Variants in FUBP3 observed in about 807,000 individuals in gnomAD.
FUBP3 encodes the protein far upstream element-binding protein 3.
Under a neutral mutation model 85.6 loss-of-function variants are expected in FUBP3, and 28 were observed. The observed-to-expected ratio is 0.33, with a 90% CI of 0.24 to 0.45. The LOEUF (loss-of-function observed/expected upper bound fraction) is 0.45, where lower values mean the gene tolerates loss of function less well. FUBP3 is among the 20% of genes least tolerant of loss of function. FUBP3 has a pLI of 1.00. For missense variants in FUBP3, 583 were observed against 755.1 expected (o/e 0.77, Z 2.67); for synonymous variants, 271 against 271.4 (o/e 1.00, Z 0.01).
intron 8 of FUBP3, 82 bp downstream of exon 8, chr9:130,617,977 A>T: frequency 1.5e-6 from 1 of 647,928 alleles, no homozygotes; most frequent in South Asian, 2.1e-5. Flanking sequence ...ATCTTCCTCA[A>T]GTAATTGTGA....
chr9:130,629,973 G>C (rs1830146462), intron 12 of FUBP3, among the ~76,000 whole-genome samples: 1 of 152,228 alleles, frequency 6.6e-6, no homozygotes, highest in Non-Finnish European at 1.5e-5. Context: ...GCAGGTTTTT[G>C]AAAGAGACCA....
intron 1 of FUBP3, among the ~76,000 whole-genome samples, chr9:130,592,628 C>T (rs1830678143): frequency 6.6e-6 from 1 of 152,132 alleles, no homozygotes; most frequent in Admixed American, 6.6e-5. Context: ...TCACTGTAAC[C>T]TCAAACCCCG....
chr9:130,591,253 G>A (rs1830612613), intron 1 of FUBP3, among the ~76,000 whole-genome samples: 1 of 151,998 alleles, frequency 6.6e-6, no homozygotes, highest in African/African-American at 2.4e-5. Context: ...GACCAGCCTG[G>A]CCAACATGGT....
intron 8 of FUBP3, 70 bp downstream of exon 8, chr9:130,617,965 T>G: frequency 1.4e-6 from 1 of 692,788 alleles, no homozygotes; most frequent in South Asian, 1.9e-5. Flanking sequence ...CCTAGAGCTT[T>G]TATCTTCCTC....
chr9:130,636,183 A>G lies in FUBP3; in HGVS notation c.1710+57A>G, dbSNP rs181450492. The G allele has an allele frequency of 1.9e-4, 296 of 1,564,980 alleles. No individual in the cohort carries two copies. The African/African-American group carries it at 3.4e-3, about 18-fold the overall frequency. On this transcript the variant is annotated intron_variant, in intron 18 of 18. Transcript: ENST00000319725. Reference sequence around the variant, plus strand: ...TCCCTAGCCCCGAGCCCCTGCTCCCAAGCCTTCTGTGTTTCCTGACCCCAG... The same window carrying G: ...TCCCTAGCCCCGAGCCCCTGCTCCCGAGCCTTCTGTGTTTCCTGACCCCAG...
intron 1 of FUBP3, among the ~76,000 whole-genome samples, chr9:130,587,323 A>G (rs1830397057): frequency 6.6e-6 from 1 of 152,120 alleles, no homozygotes; most frequent in African/African-American, 2.4e-5. Flanking sequence ...TTGGCCTCCC[A>G]AAGTGCTGGG....
In FUBP3 at chr9:130,637,076, A is replaced by G. The variant is rs1830447185; in HGVS notation, c.*54A>G. Reference sequence around the variant, plus strand: ...TCAAAATCATTGTCAAAGAAAACCTATTTGTAACAGAGGTTTTTACATTTG... The same window carrying G: ...TCAAAATCATTGTCAAAGAAAACCTGTTTGTAACAGAGGTTTTTACATTTG... On this transcript the variant is annotated 3_prime_UTR_variant, in exon 19 of 19. Transcript: ENST00000319725. 6.8e-6 allele frequency: 10 copies of G among 1,462,220 alleles called. No homozygotes were observed. The South Asian group carries it at 9.1e-5, about 13-fold the overall frequency. The allele number at this position is 1,462,220 out of a possible 1,614,324, so 90.6% of individuals were successfully genotyped here.
intron 2 of FUBP3, among the ~76,000 whole-genome samples, chr9:130,602,683 G>A (rs1831214365): frequency 6.6e-6 from 1 of 152,198 alleles, no homozygotes; most frequent in African/African-American, 2.4e-5. Context: ...GTTCCTGAGA[G>A]TAGGAGGGGT....
intron 11 of FUBP3, 55 bp downstream of exon 11, chr9:130,623,766 A>G: frequency 8.4e-7 from 1 of 1,195,754 alleles, no homozygotes; most frequent in Non-Finnish European, 1.2e-6. Flanking sequence ...GGAAAGTGCT[A>G]CCCGGGGCTC....
At chr9:130,620,152 A>G (rs1341520919) in intron 8 of FUBP3, among the ~76,000 whole-genome samples, 2 of 152,200 alleles carry the variant, frequency 1.3e-5, no homozygotes, top group Non-Finnish European at 2.9e-5. Context: ...CCCCGTGTGG[A>G]CATTTGGGCA....
In FUBP3 at chr9:130,637,977, C is replaced by CTAG. The variant is rs1272725955; in HGVS notation, c.*958_*960dup. On this transcript the variant is annotated 3_prime_UTR_variant, in exon 19 of 19. Coordinates refer to ENST00000319725, the MANE Select transcript of FUBP3 (RefSeq NM_003934.2). The stretch of plus-strand genomic sequence containing the variant: ...AGATTAACTAGATGAATAAATAAAT[C>CTAG]TAGTATTAACCGCATTATGAATTAA... 1 of 151,906 alleles carries CTAG rather than the reference C, an allele frequency of 6.6e-6. No individual in the cohort carries two copies. The highest frequency in any genetic ancestry group is 1.5e-5 in the Non-Finnish European group (1 of 67,934). The allele number at this position is 151,906 out of a possible 1,614,324, so 9.4% of individuals were successfully genotyped here.
intron 1 of FUBP3, among the ~76,000 whole-genome samples, chr9:130,590,681 A>G (rs769180551): frequency 2.6e-5 from 4 of 152,174 alleles, no homozygotes; most frequent in Non-Finnish European, 4.4e-5. Flanking sequence ...GTTTAAAATG[A>G]TCAATTATGT....
intron 2 of FUBP3, among the ~76,000 whole-genome samples, chr9:130,598,350 GA>G (rs893641688): frequency 1.3e-5 from 2 of 152,160 alleles, no homozygotes; most frequent in African/African-American, 4.8e-5. Flanking sequence ...GGCAGTGGGT[GA>G]AAAAAACAAG....
intron 13 of FUBP3, chr9:130,631,161 T>G (rs555211371): frequency 1.7e-6 from 2 of 1,147,022 alleles, no homozygotes; most frequent in South Asian, 7.5e-5. Context: ...CTGGCTTTAG[T>G]TTCAGGCACC....
chr9:130,624,609 TTGTGTGTGTGTGTG>T (rs138986229), intron 11 of FUBP3, among the ~76,000 whole-genome samples: 36 of 143,970 alleles, frequency 2.5e-4, no homozygotes, highest in Admixed American at 7.6e-4. Flanking sequence ...TTACAAGATT[TTGTGTGTGTGTGTG>T]TGTGTGTGTG....
At chr9:130,613,212 G>A (rs1006808608) in intron 5 of FUBP3, among the ~76,000 whole-genome samples, 185 bp downstream of exon 5, 1 of 152,228 alleles carries the variant, frequency 6.6e-6, no homozygotes, top group Non-Finnish European at 1.5e-5. Flanking sequence ...CGGAGATAAG[G>A]CCTCCTATCT....
chr9:130,596,749 C>T (rs1254876376), intron 2 of FUBP3: 2 of 327,072 alleles, frequency 6.1e-6, no homozygotes, highest in Admixed American at 4.6e-5. Flanking sequence ...TTTTAGTTAA[C>T]TTAAGAGTTG....
chr9:130,613,365 C>T (rs1831847413), intron 5 of FUBP3, among the ~76,000 whole-genome samples: 1 of 152,210 alleles, frequency 6.6e-6, no homozygotes, highest in Non-Finnish European at 1.5e-5. Flanking sequence ...AATCCTATGG[C>T]TTTGGGGTCA....
At chr9:130,615,542 C>G (rs1249813437) in intron 6 of FUBP3, among the ~76,000 whole-genome samples, 1 of 151,198 alleles carries the variant, frequency 6.6e-6, no homozygotes, top group Non-Finnish European at 1.5e-5. Context: ...AGAATCAATA[C>G]GAGAAATAAC....
Sources: gnomAD v4.1 joint callset for allele counts (sites outside exome capture counted in the v4.1 genomes callset) on GRCh38, gnomAD v4.1.1 for gene constraint, MANE v1.5 for transcripts, NCBI Gene and HGNC (gene_info 2026-07-23, HGNC 2026-07-21) for gene names.